KCNH7: variants seen among roughly 807,000 people sequenced by gnomAD.
The protein encoded by KCNH7 is voltage-gated inwardly rectifying potassium channel KCNH7.
KCNH7 carries 49 observed loss-of-function variants against 120.8 expected under a neutral mutation model. The ratio of observed to expected loss-of-function variants is 0.41; its 90% CI spans 0.32 to 0.51. The LOEUF (loss-of-function observed/expected upper bound fraction) is 0.51, where lower values mean the gene tolerates loss of function less well. Ranked by LOEUF, KCNH7 falls within the 20% of genes least tolerant of loss-of-function variation. The probability of loss-of-function intolerance (pLI) is 0.38; values close to 1 mark genes in which losing one functional copy is unlikely to be tolerated. For missense variants in KCNH7, 1,097 were observed against 1,446.6 expected (o/e 0.76, Z 3.92); for synonymous variants, 547 against 516.1 (o/e 1.06, Z -0.81).
At chr2:162,613,177 C>T (rs1174470852) in intron 2 of KCNH7, among the ~76,000 whole-genome samples, 1 of 151,856 alleles carries the variant, frequency 6.6e-6, no homozygotes, top group South Asian at 2.1e-4. Flanking sequence ...GGTATCATAT[C>T]ATACTGAGAC....
chr2:162,388,053 T>A (rs1198673107), intron 12 of KCNH7, among the ~76,000 whole-genome samples: 1 of 151,712 alleles, frequency 6.6e-6, no homozygotes, highest in Non-Finnish European at 1.5e-5. Flanking sequence ...CTTGAAAAAA[T>A]TATTACATTG....
intron 2 of KCNH7, among the ~76,000 whole-genome samples, chr2:162,769,484 C>G (rs1385956278): frequency 6.6e-6 from 1 of 152,016 alleles, no homozygotes; most frequent in Admixed American, 6.6e-5. Flanking sequence ...ATTTACAGTC[C>G]TCTTGCCCAC....
At chr2:162,755,478 A>C (rs1688758549) in intron 2 of KCNH7, among the ~76,000 whole-genome samples, 1 of 152,124 alleles carries the variant, frequency 6.6e-6, no homozygotes, top group Non-Finnish European at 1.5e-5. Flanking sequence ...TCTCAAAAAC[A>C]AAACAAAACA....
intron 2 of KCNH7, among the ~76,000 whole-genome samples, chr2:162,659,957 G>A (rs1283624572): frequency 1.3e-5 from 2 of 152,022 alleles, no homozygotes; most frequent in Non-Finnish European, 2.9e-5. Context: ...TAATATCCAA[G>A]GAATGTGTAG....
chr2:162,390,251 T>TAC (rs1002322481), intron 12 of KCNH7, among the ~76,000 whole-genome samples: 7 of 150,530 alleles, frequency 4.7e-5, no homozygotes, highest in African/African-American at 1.7e-4. Context: ...ATTATATATA[T>TAC]ATACACACAC....
chr2:162,634,272 T>C (rs1683870704), intron 2 of KCNH7, among the ~76,000 whole-genome samples: 1 of 152,016 alleles, frequency 6.6e-6, no homozygotes, highest in African/African-American at 2.4e-5. Context: ...ATTATGAAAA[T>C]ATAGGTAACA....
At chr2:162,473,741 C>T (rs999509165) in intron 6 of KCNH7, among the ~76,000 whole-genome samples, 5 of 152,084 alleles carry the variant, frequency 3.3e-5, no homozygotes, top group East Asian at 1.9e-4. Flanking sequence ...ATAACAATGG[C>T]GATACAGTGT....
intron 9 of KCNH7, among the ~76,000 whole-genome samples, chr2:162,403,087 G>A (rs939310811): frequency 4.0e-5 from 6 of 151,898 alleles, no homozygotes; most frequent in Admixed American, 1.3e-4. Context: ...AAGAATGTGC[G>A]TAAACCCTTT....
At position 162,435,609 on chromosome 2, in the gene KCNH7, A is replaced by G; in HGVS notation, c.1555-12T>C. On this transcript the variant is annotated splice_polypyrimidine_tract_variant and intron_variant, in intron 7 of 15. Transcript: ENST00000332142. ...ATTAATGTTGTTGTCTGTAGAAATA[A>G]ATGTACACAGTCAGAAACGGTCGGC... The G allele has an allele frequency of 6.4e-7, 1 of 1,565,470 alleles. No homozygotes were observed. The highest frequency in any genetic ancestry group is 1.2e-5 in the South Asian group (1 of 84,468).
intron 8 of KCNH7, 86 bp downstream of exon 8, chr2:162,435,112 T>A (rs1200271733): frequency 2.4e-6 from 3 of 1,255,262 alleles, no homozygotes; most frequent in Non-Finnish European, 3.3e-6. Flanking sequence ...GTAATCTTTT[T>A]CTTTGCCTTA....
At chr2:162,668,238 C>T (rs986772816) in intron 2 of KCNH7, among the ~76,000 whole-genome samples, 1 of 152,156 alleles carries the variant, frequency 6.6e-6, no homozygotes, top group African/African-American at 2.4e-5. Context: ...ATCTACCAAT[C>T]CATGTTTATG....
chr2:162,700,679 TA>T (rs1421741309), intron 2 of KCNH7, among the ~76,000 whole-genome samples: 1 of 152,226 alleles, frequency 6.6e-6, no homozygotes, highest in Non-Finnish European at 1.5e-5. Flanking sequence ...TCTTTGAAGC[TA>T]ACAGAATCTG....
At chr2:162,458,028 G>A (rs960441119) in intron 6 of KCNH7, among the ~76,000 whole-genome samples, 3 of 151,896 alleles carry the variant, frequency 2.0e-5, no homozygotes, top group African/African-American at 7.3e-5. Flanking sequence ...TTAAAATTAG[G>A]TAGTAGAATC....
At chr2:162,779,444 C>T (rs1490077755) in intron 2 of KCNH7, among the ~76,000 whole-genome samples, 6 of 152,104 alleles carry the variant, frequency 3.9e-5, no homozygotes, top group Admixed American at 3.9e-4. Context: ...CATGATCCAC[C>T]TGCCTCAGCC....
At chr2:162,655,525 G>A (rs184642523) in intron 2 of KCNH7, among the ~76,000 whole-genome samples, 5 of 152,122 alleles carry the variant, frequency 3.3e-5, no homozygotes, top group South Asian at 2.1e-4. Context: ...GGTGGCTCAC[G>A]CCTGTAATCC....
At chr2:162,499,906 CCA>C (rs1313456489) in intron 6 of KCNH7, among the ~76,000 whole-genome samples, 3 of 151,918 alleles carry the variant, frequency 2.0e-5, no homozygotes, top group Admixed American at 1.3e-4. Flanking sequence ...TTTATATTCC[CCA>C]AACACTATCC....
chr2:162,567,960 T>C (rs1250496018), intron 2 of KCNH7, among the ~76,000 whole-genome samples: 1 of 152,034 alleles, frequency 6.6e-6, no homozygotes, highest in South Asian at 2.1e-4. Flanking sequence ...GAAGATGTAT[T>C]AGTCCATTCT....
At chr2:162,472,389 C>A (rs979130713) in intron 6 of KCNH7, among the ~76,000 whole-genome samples, 1 of 152,036 alleles carries the variant, frequency 6.6e-6, no homozygotes, top group Non-Finnish European at 1.5e-5. Context: ...AACAAATTTA[C>A]AAGAAAAAAA....
chr2:162,752,902 G>GAAAAAAGAAAGAAAAGAAAAGAA (rs140501872), intron 2 of KCNH7, among the ~76,000 whole-genome samples: 1 of 61,218 alleles, frequency 1.6e-5, no homozygotes, highest in Non-Finnish European at 2.7e-5. Context: ...CTACATCTCA[G>GAAAAAAGAAAGAAAAGAAAAGAA]AAAAAGAAAA....
Sources: gnomAD v4.1 joint callset for allele counts (sites outside exome capture counted in the v4.1 genomes callset) on GRCh38, gnomAD v4.1.1 for gene constraint, MANE v1.5 for transcripts, NCBI Gene and HGNC (gene_info 2026-07-23, HGNC 2026-07-21) for gene names.